Variants in CNTN5 observed in about 807,000 individuals in gnomAD.
CNTN5 encodes the protein contactin-5.
A neutral mutation model predicts 129.1 loss-of-function variants in CNTN5; 77 were observed. That is an observed-to-expected ratio of 0.60 (90% CI 0.50 to 0.72). The LOEUF is 0.72. CNTN5 is among the 30% of genes least tolerant of loss of function. The pLI is 0.00. For synonymous variants in CNTN5, 509 were observed against 465.6 expected (o/e 1.09, Z -1.20); for missense variants, 1,478 against 1,328.8 (o/e 1.11, Z -1.75).
At chr11:99,793,691 T>A (rs1168168303) in intron 3 of CNTN5, among the ~76,000 whole-genome samples, 6 of 152,218 alleles carry the variant, frequency 3.9e-5, no homozygotes, top group Non-Finnish European at 8.8e-5. Flanking sequence ...CAGAAGTCGC[T>A]CAGGAGCAGC....
At chr11:99,747,814 T>A (rs1027432722) in intron 3 of CNTN5, among the ~76,000 whole-genome samples, 4 of 152,094 alleles carry the variant, frequency 2.6e-5, no homozygotes, top group African/African-American at 7.2e-5. Flanking sequence ...ATGAAAATAG[T>A]TTTTCATCAT....
intron 1 of CNTN5, among the ~76,000 whole-genome samples, chr11:99,214,822 C>T (rs1860037115): frequency 6.6e-6 from 1 of 152,086 alleles, no homozygotes; most frequent in Admixed American, 6.6e-5. Context: ...CTTTCATCAT[C>T]ATCCAACTCA....
chr11:99,917,774 G>T (rs1454531813), intron 7 of CNTN5, among the ~76,000 whole-genome samples: 1 of 152,134 alleles, frequency 6.6e-6, no homozygotes, highest in Non-Finnish European at 1.5e-5. Context: ...AGAGAAAACT[G>T]TATACAGATT....
In CNTN5 at chr11:99,898,552, A is replaced by G. The variant is rs182729470; in HGVS notation, c.578-17502A>G. Among the ~76,000 whole-genome samples the G allele has an allele frequency of 8.9e-4, 136 of 152,160 alleles. 1 individual carries two copies. The highest frequency in any genetic ancestry group is 1.5e-3 in the Non-Finnish European group (105 of 67,898). ...GCTTCTTTCAACAAATATAAATTAA[A>G]TGCCTATTATATTCTAGACACAGGC... On this transcript the variant is annotated intron_variant, in intron 6 of 24. Coordinates refer to ENST00000524871, the MANE Select transcript of CNTN5 (RefSeq NM_014361.4).
At chr11:99,583,287 A>G (rs545738757) in intron 3 of CNTN5, among the ~76,000 whole-genome samples, 9 of 152,320 alleles carry the variant, frequency 5.9e-5, no homozygotes, top group African/African-American at 2.2e-4. Flanking sequence ...CCACTTGAGG[A>G]GGCTGTCTGC....
intron 3 of CNTN5, among the ~76,000 whole-genome samples, chr11:99,708,273 A>C (rs184053597): frequency 4.8e-4 from 73 of 151,882 alleles, no homozygotes; most frequent in African/African-American, 1.6e-3. Flanking sequence ...AATAGATGTT[A>C]ATGCTTTCTG....
intron 13 of CNTN5, among the ~76,000 whole-genome samples, chr11:100,093,788 G>A (rs1944887554): frequency 6.6e-6 from 1 of 151,956 alleles, no homozygotes; most frequent in South Asian, 2.1e-4. Flanking sequence ...AGACACCTAG[G>A]CCCCTTCCCC....
At chr11:99,115,447 G>A (rs1857998349) in intron 1 of CNTN5, among the ~76,000 whole-genome samples, 1 of 151,994 alleles carries the variant, frequency 6.6e-6, no homozygotes, top group Non-Finnish European at 1.5e-5. Context: ...ACATCAAGGG[G>A]CATGCCATTC....
chr11:100,115,080 C>G (rs957723695), intron 13 of CNTN5, among the ~76,000 whole-genome samples: 10 of 109,254 alleles, frequency 9.2e-5, no homozygotes, highest in Non-Finnish European at 1.7e-4. Flanking sequence ...CAGAGAAGGA[C>G]TACATGAATT....
chr11:99,412,944 C>T (rs898208438), intron 2 of CNTN5, among the ~76,000 whole-genome samples: 2 of 152,264 alleles, frequency 1.3e-5, no homozygotes, highest in East Asian at 3.9e-4. Context: ...GAGTACATCA[C>T]CAAGCAGACA....
chr11:99,640,209 C>T (rs551097844), intron 3 of CNTN5, among the ~76,000 whole-genome samples: 7 of 152,326 alleles, frequency 4.6e-5, no homozygotes, highest in African/African-American at 1.7e-4. Flanking sequence ...TCCAAAATTG[C>T]TTCCATGTTT....
chr11:99,864,536 T>C (rs912722383), intron 6 of CNTN5, among the ~76,000 whole-genome samples: 5 of 152,128 alleles, frequency 3.3e-5, no homozygotes, highest in Non-Finnish European at 5.9e-5. Flanking sequence ...CAAACCCACT[T>C]GCCCATTAGG....
At chr11:99,277,281 C>G (rs960614968) in intron 1 of CNTN5, among the ~76,000 whole-genome samples, 6 of 151,638 alleles carry the variant, frequency 4.0e-5, no homozygotes, top group African/African-American at 4.8e-5. Context: ...CTGTTTACAT[C>G]ATTAGCCTCT....
chr11:99,374,663 G>A (rs1940050563), intron 2 of CNTN5, among the ~76,000 whole-genome samples: 1 of 152,042 alleles, frequency 6.6e-6, no homozygotes, highest in South Asian at 2.1e-4. Context: ...CAGCCTGGGC[G>A]ACAGAGTGAG....
chr11:100,352,698 A>G (rs1490129487), intron 24 of CNTN5, among the ~76,000 whole-genome samples: 1 of 151,814 alleles, frequency 6.6e-6, no homozygotes, highest in African/African-American at 2.4e-5. Flanking sequence ...TATTGTGGTC[A>G]CACAAAAATT....
intron 9 of CNTN5, among the ~76,000 whole-genome samples, chr11:100,057,987 A>G (rs923388278): frequency 6.6e-6 from 1 of 152,062 alleles, no homozygotes; most frequent in African/African-American, 2.4e-5. Context: ...ATGAAATGTT[A>G]AGTTACTTGT....
chr11:99,872,341 A>G (rs1948524813), intron 6 of CNTN5, among the ~76,000 whole-genome samples: 1 of 152,098 alleles, frequency 6.6e-6, no homozygotes, highest in Non-Finnish European at 1.5e-5. Context: ...TGATTACCAT[A>G]TGTATTTTAT....
chr11:99,797,376 A>G lies in CNTN5; in HGVS notation c.56-22168A>G, dbSNP rs914747088. 4.6e-5 allele frequency among the ~76,000 whole-genome samples: 7 copies of G among 152,146 alleles called. No homozygotes were observed. The East Asian group carries it at 1.2e-3, about 25-fold the overall frequency. The stretch of plus-strand genomic sequence containing the variant: ...AAATTTACATACCTGCCAATAGTGT[A>G]TAAGTGTTCCCTTTACACTGCAGCC... On this transcript the variant is annotated intron_variant, in intron 3 of 24. Coordinates refer to ENST00000524871, the MANE Select transcript of CNTN5 (RefSeq NM_014361.4).
At chr11:99,080,980 G>GTTTGTT (rs1865766773) in intron 1 of CNTN5, among the ~76,000 whole-genome samples, 2 of 112,462 alleles carry the variant, frequency 1.8e-5, no homozygotes, top group Admixed American at 2.0e-4. Flanking sequence ...TGAGAAATCA[G>GTTTGTT]TTTTTTTTTT....
Sources: gnomAD v4.1 joint callset for allele counts (sites outside exome capture counted in the v4.1 genomes callset) on GRCh38, gnomAD v4.1.1 for gene constraint, MANE v1.5 for transcripts, NCBI Gene and HGNC (gene_info 2026-07-23, HGNC 2026-07-21) for gene names.